The following NSMAF variants were observed in gnomAD, a reference collection of about 807,000 sequenced individuals.
NSMAF encodes neutral sphingomyelinase activation associated factor, also known as protein FAN.
A neutral mutation model predicts 134.9 loss-of-function variants in NSMAF; 90 were observed. The ratio of observed to expected loss-of-function variants is 0.67; its 90% CI spans 0.56 to 0.79. NSMAF has a LOEUF of 0.79. NSMAF is among the 30% of genes least tolerant of loss of function. The pLI is 0.00. For synonymous variants in NSMAF, 358 were observed against 389.6 expected (o/e 0.92, Z 0.96); for missense variants, 1,010 against 1,119.0 (o/e 0.90, Z 1.39).
intron 9 of NSMAF, among the ~76,000 whole-genome samples, chr8:58,611,070 A>G (rs1193515972): frequency 6.6e-6 from 1 of 152,192 alleles, no homozygotes; most frequent in Non-Finnish European, 1.5e-5. Flanking sequence ...CGGTCTCAAC[A>G]CTTCCTTTTT....
intron 22 of NSMAF, chr8:58,594,536 T>C (rs1246236249): frequency 8.1e-6 from 4 of 493,656 alleles, no homozygotes; most frequent in Non-Finnish European, 1.4e-5. Context: ...CATGCAATGC[T>C]TTACATATTC....
At position 58,623,770 on chromosome 8, in the gene NSMAF, T is replaced by C. The variant is rs1283462430; in HGVS notation, c.395A>G (p.Glu132Gly). 1.2e-6 allele frequency: 2 copies of C among 1,613,678 alleles called. No homozygotes were observed. The highest frequency in any genetic ancestry group is 1.7e-6 in the Non-Finnish European group (2 of 1,179,784). Residue 132 changes from glutamate to glycine, a missense_variant, in exon 7 of 31, where the codon GAA becomes GGA. Physicochemically the swap from Glu to Gly is moderately conservative, Grantham distance 98. Coordinates refer to ENST00000038176, the MANE Select transcript of NSMAF (RefSeq NM_003580.4). ...GGGAACATCCAATTCAAAAACATAT[T>C]CCATTTTGCCCTAACAAAAAGGGGA... is the stretch of plus-strand genomic sequence containing the variant. ...APYKIERGKM[E>G]YVFELDVPGK...
chr8:58,596,845 G>A (rs537636470), intron 21 of NSMAF, among the ~76,000 whole-genome samples: 76 of 151,820 alleles, frequency 5.0e-4, no homozygotes, highest in Admixed American at 9.2e-4. Context: ...GGAGAACGGC[G>A]GCGTGAACCC....
chr8:58,596,053 C>T (rs1806129958), intron 21 of NSMAF, among the ~76,000 whole-genome samples: 1 of 152,140 alleles, frequency 6.6e-6, no homozygotes, highest in South Asian at 2.1e-4. Flanking sequence ...GAGATGAAAT[C>T]AATTACCGCA....
chr8:58,597,354 G>A, intron 21 of NSMAF, 33 bp downstream of exon 21: 1 of 1,578,306 alleles, frequency 6.3e-7, no homozygotes, highest in Non-Finnish European at 8.7e-7. Context: ...AGAAACAAAA[G>A]GTGCTCACGT....
chr8:58,657,902 A>G (rs1682629640), intron 1 of NSMAF, among the ~76,000 whole-genome samples: 1 of 152,218 alleles, frequency 6.6e-6, no homozygotes. Flanking sequence ...TAATCAATGA[A>G]TTCTAACAAA....
At chr8:58,609,438 G>A (rs1301080178) in intron 10 of NSMAF, among the ~76,000 whole-genome samples, 166 bp downstream of exon 10, 3 of 152,142 alleles carry the variant, frequency 2.0e-5, no homozygotes, top group African/African-American at 7.2e-5. Context: ...TACACATCAC[G>A]ATTACACACG....
chr8:58,589,318 A>C (rs954536623), intron 26 of NSMAF, 134 bp downstream of exon 26: 2 of 503,166 alleles, frequency 4.0e-6, no homozygotes, highest in African/African-American at 2.0e-5. Flanking sequence ...TGTGAAAAAG[A>C]GTGGAGTGAC....
rs963562848 is a variant in NSMAF at position 58,602,427 on chromosome 8, AAAC to A, written c.1046-293_1046-291del. On this transcript the variant is annotated intron_variant, in intron 13 of 30. Coordinates refer to ENST00000038176, the MANE Select transcript of NSMAF (RefSeq NM_003580.4). ...AAGGAACATATATATATTCCAAGTA[AAAC>A]AACAACAACAACAAAATTTTAAAAG... Among the ~76,000 whole-genome samples the A allele has an allele frequency of 3.4e-3, 521 of 152,242 alleles. 4 individuals are homozygous for A. Among genetic ancestry groups the A allele is most frequent in the African/African-American group, 0.012 (481 of 41,564 alleles).
At chr8:58,593,229 G>A (rs1194959981) in intron 23 of NSMAF, among the ~76,000 whole-genome samples, 1 of 152,216 alleles carries the variant, frequency 6.6e-6, no homozygotes, top group Admixed American at 6.5e-5. Flanking sequence ...GCATGGCCCA[G>A]TTTGGGAACT....
intron 9 of NSMAF, among the ~76,000 whole-genome samples, chr8:58,611,524 C>A (rs1806530435): frequency 6.6e-6 from 1 of 152,024 alleles, no homozygotes; most frequent in African/African-American, 2.4e-5. Context: ...AGTGGGTCAA[C>A]AAGAACAAAA....
At chr8:58,596,758 T>G (rs907536258) in intron 21 of NSMAF, among the ~76,000 whole-genome samples, 12 of 152,006 alleles carry the variant, frequency 7.9e-5, no homozygotes, top group African/African-American at 2.9e-4. Context: ...TGAAACCCTG[T>G]CTCTACTAAA....
chr8:58,585,367 A>C (rs951566976), intron 30 of NSMAF, among the ~76,000 whole-genome samples: 2 of 149,618 alleles, frequency 1.3e-5, no homozygotes, highest in South Asian at 2.1e-4. Flanking sequence ...AGATCATGCT[A>C]TTACCTTTAA....
Position 58,599,985 on chromosome 8 carries a change from T to G in NSMAF, c.1317A>C (p.Ala439=). Residue 439 remains alanine, a synonymous_variant, in exon 17 of 31, where the codon GCA becomes GCC. Coordinates refer to ENST00000038176, the MANE Select transcript of NSMAF (RefSeq NM_003580.4). ...AETWKNCLDG[A]TDFKELIPEF... ...AACTGCTTACCTCTTTAAAATCCGT[T>G]GCACCATCCAGACAGTTTTTCCAAG... 1 of 1,614,066 alleles carries G rather than the reference T, an allele frequency of 6.2e-7. No individual in the cohort carries two copies. The highest frequency in any genetic ancestry group is 8.5e-7 in the Non-Finnish European group (1 of 1,179,974).
chr8:58,616,763 A>G (rs988181929), intron 9 of NSMAF, among the ~76,000 whole-genome samples: 3 of 152,180 alleles, frequency 2.0e-5, no homozygotes, highest in African/African-American at 7.2e-5. Flanking sequence ...AGAAAATAAA[A>G]GCCATACGGA....
At chr8:58,612,190 C>T (rs1430926893) in intron 9 of NSMAF, among the ~76,000 whole-genome samples, 1 of 152,184 alleles carries the variant, frequency 6.6e-6, no homozygotes, top group African/African-American at 2.4e-5. Context: ...GGACCAAGCC[C>T]TGATGAGAGG....
chr8:58,644,567 AG>A (rs1315763995), intron 1 of NSMAF, among the ~76,000 whole-genome samples: 1 of 152,244 alleles, frequency 6.6e-6, no homozygotes, highest in African/African-American at 2.4e-5. Context: ...CGATTCCTCA[AG>A]GATCTAGAAC....
intron 11 of NSMAF, among the ~76,000 whole-genome samples, 170 bp from the exon 12 acceptor site, chr8:58,606,205 T>C (rs532275866): frequency 9.0e-4 from 137 of 152,256 alleles, no homozygotes; most frequent in African/African-American, 3.2e-3. Flanking sequence ...TATACACATA[T>C]ACGTTTGCGT....
chr8:58,632,280 C>T (rs1283997456), intron 5 of NSMAF, among the ~76,000 whole-genome samples: 3 of 152,170 alleles, frequency 2.0e-5, no homozygotes, highest in Non-Finnish European at 2.9e-5. Flanking sequence ...TTTGCCATTT[C>T]TGTTCCCTTT....
Sources: allele counts gnomAD v4.1 joint callset (sites outside exome capture counted in the v4.1 genomes callset), GRCh38; gene constraint gnomAD v4.1.1; transcripts MANE v1.5; gene names NCBI Gene and HGNC (gene_info 2026-07-23, HGNC 2026-07-21).